Variants in GPHN observed in about 807,000 individuals in gnomAD.
GPHN encodes gephyrin.
Under a neutral mutation model 95.5 loss-of-function variants are expected in GPHN, and 17 were observed. That is an observed-to-expected ratio of 0.18 (90% CI 0.12 to 0.27). GPHN has a LOEUF of 0.27. GPHN is among the 10% of genes least tolerant of loss of function. The probability of loss-of-function intolerance (pLI) is 1.00; values close to 1 mark genes in which losing one functional copy is unlikely to be tolerated. For synonymous variants in GPHN, 320 were observed against 322.5 expected (o/e 0.99, Z 0.08); for missense variants, 660 against 978.1 (o/e 0.67, Z 4.34).
chr14:66,508,567 C>G lies in GPHN; in HGVS notation c.40C>G (p.Gln14Glu). Residue 14 changes from glutamine (Q) to glutamate (E), a missense_variant, in exon 1 of 23, where the codon CAA (glutamine) becomes GAA (glutamate). Gln to Glu is a conservative substitution (Grantham distance 29). Transcript: ENST00000478722. ...AATGATCCTTACTAACCACGACCAT[C>G]AAATCCGTGTCGGAGTCCTTACAGG... ...EGMILTNHDH[Q>E]IRVGVLTVSD... The G allele has an allele frequency of 6.2e-7, 1 of 1,614,048 alleles. No individual in the cohort carries two copies. The highest frequency in any genetic ancestry group is 8.5e-7 in the Non-Finnish European group (1 of 1,179,870).
At chr14:67,466,373 G>A in the GPHN span, among the ~76,000 whole-genome samples, 46 of 152,366 alleles carry the variant, frequency 3.0e-4, no homozygotes, top group African/African-American at 8.9e-4. Context: ...GGCCAAGGCC[G>A]GAAGACTCTA....
chr14:67,476,548 C>T, the GPHN span, among the ~76,000 whole-genome samples: 1 of 152,072 alleles, frequency 6.6e-6, no homozygotes, highest in Admixed American at 6.5e-5. Flanking sequence ...GATCATGCCA[C>T]TGCACTCCAG....
At chr14:66,785,078 C>G (rs750953709) in intron 3 of GPHN, among the ~76,000 whole-genome samples, 14 of 151,876 alleles carry the variant, frequency 9.2e-5, no homozygotes, top group Non-Finnish European at 1.2e-4. Flanking sequence ...AAAAAAAAAG[C>G]AGGAGTGGGC....
At chr14:67,507,172 T>C in the GPHN span, among the ~76,000 whole-genome samples, 1 of 151,966 alleles carries the variant, frequency 6.6e-6, no homozygotes, top group African/African-American at 2.4e-5. Context: ...TAACACTGAG[T>C]TGCCCAGAAA....
chr14:67,082,934 G>A (rs2076748247), intron 11 of GPHN, among the ~76,000 whole-genome samples: 1 of 152,130 alleles, frequency 6.6e-6, no homozygotes, highest in African/African-American at 2.4e-5. Context: ...TATGAAAAAT[G>A]ATGTTAAAAA....
At chr14:67,030,892 C>T (rs891579156) in intron 10 of GPHN, among the ~76,000 whole-genome samples, 1 of 152,018 alleles carries the variant, frequency 6.6e-6, no homozygotes, top group Admixed American at 6.6e-5. Flanking sequence ...GCAGACAGAG[C>T]AAGCAAAAGA....
chr14:66,574,334 A>G (rs1008927545), intron 1 of GPHN, among the ~76,000 whole-genome samples: 1 of 152,136 alleles, frequency 6.6e-6, no homozygotes, highest in African/African-American at 2.4e-5. Context: ...CACAATTTAC[A>G]TCTTTTATAT....
the GPHN span, chr14:67,578,172 C>T: frequency 2.5e-6 from 4 of 1,613,906 alleles, no homozygotes; most frequent in Admixed American, 6.7e-5. This position sits in a 1 kb window ranked among gnomAD's most constrained non-coding sequence, Gnocchi z 5.0. Context: ...CCAGCTGCCG[C>T]CCACCTCAGA....
At chr14:66,830,167 T>C (rs2153498334) in intron 4 of GPHN, among the ~76,000 whole-genome samples, 1 of 152,308 alleles carries the variant, frequency 6.6e-6, no homozygotes, top group East Asian at 1.9e-4. Context: ...CCATGGCCTT[T>C]TGGATGACAA....
intron 13 of GPHN, among the ~76,000 whole-genome samples, chr14:67,103,535 T>C (rs983263014): frequency 6.8e-6 from 1 of 147,362 alleles, no homozygotes; most frequent in Admixed American, 6.7e-5. Context: ...TTTTTTTTTT[T>C]TTGTGGCCTC....
chr14:67,046,526 G>A (rs986626968), intron 10 of GPHN, among the ~76,000 whole-genome samples: 1 of 152,136 alleles, frequency 6.6e-6, no homozygotes, highest in African/African-American at 2.4e-5. Context: ...ATTTTATCCT[G>A]TAAGTGATAA....
chr14:67,545,876 A>T, the GPHN span, among the ~76,000 whole-genome samples: 2 of 152,104 alleles, frequency 1.3e-5, no homozygotes, highest in Non-Finnish European at 2.9e-5. Context: ...CTCATCCCAG[A>T]TCCGTGCTCA....
chr14:67,376,385 A>G, the GPHN span: 4 of 1,495,036 alleles, frequency 2.7e-6, no homozygotes, highest in Middle Eastern at 2.2e-4. Context: ...ATGTAAAAAC[A>G]TTTTTTATAA....
the GPHN span, among the ~76,000 whole-genome samples, chr14:67,703,423 A>G: frequency 6.6e-6 from 1 of 152,222 alleles, no homozygotes. Flanking sequence ...TATAAGAAAA[A>G]CAAAATTTCT....
At chr14:66,987,416 C>T (rs2071099634) in intron 9 of GPHN, among the ~76,000 whole-genome samples, 3 of 152,040 alleles carry the variant, frequency 2.0e-5, no homozygotes, top group Non-Finnish European at 4.4e-5. Context: ...AGTTCAACTT[C>T]TGGATGTATA....
intron 10 of GPHN, among the ~76,000 whole-genome samples, chr14:67,054,699 T>C (rs1439450849): frequency 6.6e-6 from 1 of 152,140 alleles, no homozygotes; most frequent in African/African-American, 2.4e-5. Flanking sequence ...GACTTCAAAC[T>C]CAACTACAAG....
chr14:66,567,676 T>C (rs1202108142), intron 1 of GPHN, among the ~76,000 whole-genome samples: 4 of 152,184 alleles, frequency 2.6e-5, no homozygotes, highest in African/African-American at 9.6e-5. Flanking sequence ...AAATTACCAG[T>C]CTGGGTTATA....
intron 2 of GPHN, among the ~76,000 whole-genome samples, chr14:66,712,033 T>G (rs930263402): frequency 6.6e-6 from 1 of 152,170 alleles, no homozygotes; most frequent in East Asian, 1.9e-4. Flanking sequence ...CTATTGTGAA[T>G]AGTGCCGCAA....
chr14:67,465,459 T>C, the GPHN span, among the ~76,000 whole-genome samples: 9 of 152,290 alleles, frequency 5.9e-5, no homozygotes, highest in East Asian at 1.7e-3. Context: ...ATCCTTAGGG[T>C]AATGGGAAAT....
Sources: allele counts gnomAD v4.1 joint callset (sites outside exome capture counted in the v4.1 genomes callset), GRCh38; gene constraint gnomAD v4.1.1; non-coding constraint Gnocchi (gnomAD v3.1); transcripts MANE v1.5; gene names NCBI Gene and HGNC (gene_info 2026-07-23, HGNC 2026-07-21).